SLC45A3: variants seen among roughly 807,000 people sequenced by gnomAD.
SLC45A3 encodes prostate cancer associated protein 2.
Under a neutral mutation model 35.3 loss-of-function variants are expected in SLC45A3, and 17 were observed. The ratio of observed to expected loss-of-function variants is 0.48; its 90% CI spans 0.33 to 0.72. The LOEUF is 0.72. Among genes scored for constraint, SLC45A3 ranks in the 30% least tolerant of loss-of-function variants. The probability of loss-of-function intolerance (pLI) is 0.02; values close to 1 mark genes in which losing one functional copy is unlikely to be tolerated. For synonymous variants in SLC45A3, 288 were observed against 334.3 expected (o/e 0.86, Z 1.51); for missense variants, 597 against 731.7 (o/e 0.82, Z 2.12).
rs909839200 is a variant in SLC45A3 at position 205,666,213 on chromosome 1, A to T, written c.-230-1327T>A. Among the ~76,000 whole-genome samples the T allele has an allele frequency of 1.3e-5, 2 of 152,202 alleles. No homozygotes were observed. The highest frequency in any genetic ancestry group is 4.2e-4 in the South Asian group (2 of 4,816). ...GTGGGTGCTCTGAGCTGTGCCACAG[A>T]GAAATCAGCCAGGACTGAGTGTGGT... is the stretch of plus-strand genomic sequence containing the variant. On this transcript the variant is annotated intron_variant, in intron 1 of 4. Coordinates refer to ENST00000367145, the MANE Select transcript of SLC45A3 (RefSeq NM_033102.3). The surrounding 1 kb of genome is among the most constrained non-coding windows in gnomAD (Gnocchi z 4.1).
At chr1:205,676,756 C>T (rs1049699973) in intron 1 of SLC45A3, among the ~76,000 whole-genome samples, 1 of 152,164 alleles carries the variant, frequency 6.6e-6, no homozygotes, top group African/African-American at 2.4e-5. Context: ...AGGAGCATCC[C>T]GTGATGGCTC....
intron 1 of SLC45A3, among the ~76,000 whole-genome samples, chr1:205,677,959 C>T (rs914485222): frequency 1.3e-5 from 2 of 152,204 alleles, no homozygotes; most frequent in African/African-American, 4.8e-5. Context: ...GATACTGAGG[C>T]TTGGACGAGG....
Position 205,664,365 on chromosome 1 carries a change from C to T in SLC45A3, c.172+120G>A, listed in dbSNP as rs1671082682. 7.4e-7 allele frequency: 1 copy of T among 1,354,084 alleles called. No individual in the cohort carries two copies. The highest frequency in any genetic ancestry group is 2.0e-5 in the Admixed American group (1 of 49,574). The allele number at this position is 1,354,084 out of a possible 1,614,324, so 83.9% of individuals were successfully genotyped here. On this transcript the variant is annotated intron_variant, in intron 2 of 4. Transcript: ENST00000367145. The surrounding 1 kb of genome is among the most constrained non-coding windows in gnomAD (Gnocchi z 5.3). ...AGCCCAGGGTCACCCTCCTGCCCAG[C>T]AATGCCTTCCCAGCAGACCACCTCT... is the stretch of plus-strand genomic sequence containing the variant.
At position 205,662,230 on chromosome 1, in the gene SLC45A3, T is replaced by A; in HGVS notation, c.959-104A>T. The A allele has an allele frequency of 5.4e-6, 8 of 1,475,398 alleles. No individual in the cohort carries two copies. The highest frequency in any genetic ancestry group is 7.2e-6 in the Non-Finnish European group (8 of 1,112,222). 91.4% of individuals were successfully genotyped at this position (1,475,398 alleles called of 1,614,324 possible). A position where few individuals can be genotyped will look rare whatever the true frequency, so the allele number is the denominator to read the frequency against. ...CCACAGGTACCTGCTGCACGAGACC[T>A]GCTGTGGACCAGCCCTGCTCCCCAG... On this transcript the variant is annotated intron_variant, in intron 3 of 4. Coordinates refer to ENST00000367145, the MANE Select transcript of SLC45A3 (RefSeq NM_033102.3). This position sits in a 1 kb window ranked among gnomAD's most constrained non-coding sequence, Gnocchi z 6.2.
At chr1:205,674,602 CAAAAAAAAAAAA>C (rs57508315) in intron 1 of SLC45A3, among the ~76,000 whole-genome samples, 40 of 95,454 alleles carry the variant, frequency 4.2e-4, no homozygotes, top group South Asian at 1.6e-3. Context: ...GATGCTGTTT[CAAAAAAAAAAAA>C]AAAAAAAAAA....
intron 1 of SLC45A3, among the ~76,000 whole-genome samples, chr1:205,667,720 T>G (rs1671142229): frequency 6.6e-6 from 1 of 151,600 alleles, no homozygotes; most frequent in Non-Finnish European, 1.5e-5. Flanking sequence ...AAAATAAAAA[T>G]AAACCACAGC....
At chr1:205,667,723 A>G (rs528726155) in intron 1 of SLC45A3, among the ~76,000 whole-genome samples, 53 of 151,880 alleles carry the variant, frequency 3.5e-4, no homozygotes, top group East Asian at 9.7e-4. Flanking sequence ...ATAAAAATAA[A>G]CCACAGCTGT....
At position 205,664,629 on chromosome 1, in the gene SLC45A3, G is replaced by A. The variant is rs995319259; in HGVS notation, c.28C>T (p.Leu10=). 1.9e-6 allele frequency: 3 copies of A among 1,614,132 alleles called. No individual in the cohort carries two copies. The highest frequency in any genetic ancestry group is 2.5e-6 in the Non-Finnish European group (3 of 1,180,042). MVQRLWVSR[L]LRHRKAQLLL... ...AGCTGGGCTTTCCGGTGCCGCAGCA[G>A]GCGGCTCACCCACAGCCTCTGGACC... is the stretch of plus-strand genomic sequence containing the variant. Residue 10 remains leucine, a synonymous_variant, in exon 2 of 5, where the codon CTG becomes TTG. Transcript: ENST00000367145. The surrounding 1 kb of genome is among the most constrained non-coding windows in gnomAD (Gnocchi z 5.3).
In SLC45A3 at chr1:205,667,911, C is replaced by T. The variant is rs552856957; in HGVS notation, c.-230-3025G>A. On this transcript the variant is annotated intron_variant, in intron 1 of 4. Transcript: ENST00000367145. Reference sequence around the variant, plus strand: ...CCCAGATAGCTCATTAGTAGCCTCCCAGTTCCTGGGGTGCCTTTCTCCAAC... The same window carrying T: ...CCCAGATAGCTCATTAGTAGCCTCCTAGTTCCTGGGGTGCCTTTCTCCAAC... Among the ~76,000 whole-genome samples the T allele has an allele frequency of 6.6e-5, 10 of 152,236 alleles. No homozygotes were observed. In the East Asian group the frequency reaches 1.2e-3, roughly 18 times the overall value.
In SLC45A3 at chr1:205,659,101, T is replaced by C. The variant is rs1558032824; in HGVS notation, c.*133A>G. On this transcript the variant is annotated 3_prime_UTR_variant, in exon 5 of 5. Transcript: ENST00000367145. This position sits in a 1 kb window ranked among gnomAD's most constrained non-coding sequence, Gnocchi z 5.8. ...AGCTACGCACCTCAGCAGCACAGGG[T>C]GGCAGCAGAGAGCCACATTACTTTG... is the stretch of plus-strand genomic sequence containing the variant. 2.2e-6 allele frequency: 2 copies of C among 893,468 alleles called. No individual in the cohort carries two copies. Among genetic ancestry groups the C allele is most frequent in the African/African-American group, 1.7e-5 (1 of 59,004 alleles). 55.3% of individuals were successfully genotyped at this position (893,468 alleles called of 1,614,324 possible).
intron 1 of SLC45A3, among the ~76,000 whole-genome samples, chr1:205,679,169 G>A (rs1671358836): frequency 6.6e-6 from 1 of 152,192 alleles, no homozygotes; most frequent in South Asian, 2.1e-4. Context: ...CTCCAGGGCA[G>A]CAAGACAGCA....
chr1:205,671,042 G>C (rs1193186995), intron 1 of SLC45A3, among the ~76,000 whole-genome samples: 1 of 152,236 alleles, frequency 6.6e-6, no homozygotes, highest in African/African-American at 2.4e-5. Flanking sequence ...ACAAATGCCA[G>C]AGGAGATTGG....
rs902638567 is a variant in SLC45A3 at position 205,664,308 on chromosome 1, G to A, written c.172+177C>T. Among the ~76,000 whole-genome samples the A allele has an allele frequency of 1.3e-5, 2 of 152,162 alleles. No homozygotes were observed. Among genetic ancestry groups the A allele is most frequent in the African/African-American group, 4.8e-5 (2 of 41,418 alleles). On this transcript the variant is annotated intron_variant, in intron 2 of 4. Coordinates refer to ENST00000367145, the MANE Select transcript of SLC45A3 (RefSeq NM_033102.3). This position sits in a 1 kb window ranked among gnomAD's most constrained non-coding sequence, Gnocchi z 5.3. ...CAGAGGTGACTGGGGTATGTCCTTG[G>A]TATTCTCTTCTTTCTCTTGGTGTGC...
At position 205,659,983 on chromosome 1, in the gene SLC45A3, A is replaced by C. The variant is rs1290704043; in HGVS notation, c.1225-312T>G. Among the ~76,000 whole-genome samples, 1 of 152,192 alleles carries C rather than the reference A, an allele frequency of 6.6e-6. No individual in the cohort carries two copies. Among genetic ancestry groups the C allele is most frequent in the Non-Finnish European group, 1.5e-5 (1 of 68,034 alleles). ...CACAGATCAGAGAGAACAGAGCTCC[A>C]AGGTAAGGAAAAGACACAGGGGGAA... On this transcript the variant is annotated intron_variant, in intron 4 of 4. Transcript: ENST00000367145. This position sits in a 1 kb window ranked among gnomAD's most constrained non-coding sequence, Gnocchi z 5.8.
rs577009362 is a variant in SLC45A3, at chr1:205,664,175, TAAGC to T, written c.172+306_172+309del. Reference sequence around the variant, plus strand: ...AATGGATCACCTCAAATGGTGGTTGTAAGCATTAAATGAGATAATCGCTATAAAT... The same window carrying T: ...AATGGATCACCTCAAATGGTGGTTGTATTAAATGAGATAATCGCTATAAAT... On this transcript the variant is annotated intron_variant, in intron 2 of 4. Coordinates refer to ENST00000367145, the MANE Select transcript of SLC45A3 (RefSeq NM_033102.3). The surrounding 1 kb of genome is among the most constrained non-coding windows in gnomAD (Gnocchi z 5.3). 9.1e-4 allele frequency among the ~76,000 whole-genome samples: 138 copies of T among 152,328 alleles called. No homozygotes were observed. Among genetic ancestry groups the T allele is most frequent in the African/African-American group, 3.2e-3 (133 of 41,570 alleles).
chr1:205,658,551 A>G lies in SLC45A3; in HGVS notation c.*683T>C, dbSNP rs1670962007. ...AAAAGCTAGCAATGGATTCCCTTCT[A>G]CTTTGTTAAATAAATAAGTTAAATA... On this transcript the variant is annotated 3_prime_UTR_variant, in exon 5 of 5. Coordinates refer to ENST00000367145, the MANE Select transcript of SLC45A3 (RefSeq NM_033102.3). 2 of 232,802 alleles carry G rather than the reference A, an allele frequency of 8.6e-6. No individual in the cohort carries two copies. The highest frequency in any genetic ancestry group is 1.8e-4 in the South Asian group (1 of 5,522). 14.4% of individuals were successfully genotyped at this position (232,802 alleles called of 1,614,324 possible).
rs748705004 is a variant in SLC45A3, at chr1:205,659,449, C to A, written c.1447G>T (p.Val483Phe). The part of the protein sequence containing the change: ...VVGEPTEARV[V>F]PGRGICLDLA... Reference sequence around the variant, plus strand: ...TCCAGGCAGATGCCCCGGCCCGGAACCACCCTGGCCTCGGTGGGCTCACCC... The same window carrying A: ...TCCAGGCAGATGCCCCGGCCCGGAAACACCCTGGCCTCGGTGGGCTCACCC... The change falls in exon 5 of 5, where the codon GTT (valine) becomes TTT (phenylalanine). Residue 483 changes from valine (V) to phenylalanine (F), a missense_variant. Coordinates refer to ENST00000367145, the MANE Select transcript of SLC45A3 (RefSeq NM_033102.3). The surrounding 1 kb of genome is among the most constrained non-coding windows in gnomAD (Gnocchi z 5.8). 6.2e-7 allele frequency: 1 copy of A among 1,614,096 alleles called. No homozygotes were observed. Among genetic ancestry groups the A allele is most frequent in the Admixed American group, 1.7e-5 (1 of 60,026 alleles).
chr1:205,675,369 G>A (rs1383358046), intron 1 of SLC45A3, among the ~76,000 whole-genome samples: 2 of 152,036 alleles, frequency 1.3e-5, no homozygotes, highest in African/African-American at 2.4e-5. Context: ...AGAGGGATTC[G>A]CTTTGGCCTG....
Position 205,663,088 on chromosome 1 carries a change from G to A in SLC45A3, c.703C>T (p.Pro235Ser), listed in dbSNP as rs1268868990. ...GGACAGCAGTGGGGCGACAAGGAGG[G>A]GGCCGACAGCCCTTCTGCTGGCTCG... ...PTEPAEGLSA[P>S]SLSPHCCPCR... Residue 235 changes from proline to serine, a missense_variant, in exon 3 of 5, where the codon CCC becomes TCC. By Grantham distance (74) the Pro-to-Ser change is moderately conservative. Coordinates refer to ENST00000367145, the MANE Select transcript of SLC45A3 (RefSeq NM_033102.3). The A allele has an allele frequency of 6.2e-7, 1 of 1,603,678 alleles. No individual in the cohort carries two copies. Among genetic ancestry groups the A allele is most frequent in the Non-Finnish European group, 8.5e-7 (1 of 1,173,836 alleles).
Sources: allele counts gnomAD v4.1 joint callset (sites outside exome capture counted in the v4.1 genomes callset), GRCh38; gene constraint gnomAD v4.1.1; non-coding constraint Gnocchi (gnomAD v3.1); transcripts MANE v1.5; gene names NCBI Gene and HGNC (gene_info 2026-07-23, HGNC 2026-07-21).